Variants in COL21A1 observed in about 807,000 individuals in gnomAD.
COL21A1 encodes the protein collagen type XXI alpha 1 chain.
In COL21A1, 149 loss-of-function variants were observed where a neutral mutation model predicts 137.9. The ratio of observed to expected loss-of-function variants is 1.08; its 90% CI spans 0.95 to 1.24. The LOEUF (loss-of-function observed/expected upper bound fraction) is 1.24. Ranked by LOEUF, COL21A1 falls within the 50% of genes most tolerant of loss-of-function variation. The probability of loss-of-function intolerance (pLI) is 0.00; values close to 1 mark genes in which losing one functional copy is unlikely to be tolerated. For missense variants in COL21A1, 1,167 were observed against 1,158.4 expected, an observed-to-expected ratio of 1.01 and a Z score of -0.11; for synonymous variants, 456 against 391.5, an observed-to-expected ratio of 1.16 and a Z score of -1.95.
intron 1 of COL21A1, among the ~76,000 whole-genome samples, chr6:56,290,901 C>T (rs1347632413): frequency 3.9e-5 from 6 of 152,170 alleles, no homozygotes; most frequent in Admixed American, 3.9e-4. Flanking sequence ...TCCTATTTGC[C>T]TAAAGCTCCC....
intron 1 of COL21A1, among the ~76,000 whole-genome samples, chr6:56,277,996 C>T (rs1014611823): frequency 2.0e-5 from 3 of 152,096 alleles, no homozygotes; most frequent in Non-Finnish European, 4.4e-5. Context: ...CTTTCATTTG[C>T]TGAAGCATAA....
At chr6:56,348,383 C>T (rs1272813900) in intron 1 of COL21A1, among the ~76,000 whole-genome samples, 1 of 152,124 alleles carries the variant, frequency 6.6e-6, no homozygotes, top group African/African-American at 2.4e-5. Flanking sequence ...TTTCATTTCA[C>T]TTTCTCCATT....
chr6:56,360,183 C>T (rs901493409), intron 1 of COL21A1, among the ~76,000 whole-genome samples: 1 of 151,974 alleles, frequency 6.6e-6, no homozygotes, highest in Non-Finnish European at 1.5e-5. Flanking sequence ...GAGGGAGGGT[C>T]GTGTCACATC....
intron 9 of COL21A1, 110 bp downstream of exon 9, chr6:56,164,313 G>A: frequency 2.6e-6 from 2 of 763,322 alleles, no homozygotes; most frequent in South Asian, 1.7e-5. Flanking sequence ...AACTCTATAA[G>A]AAATCAGATA....
At chr6:56,185,098 C>A (rs1008238239) in intron 1 of COL21A1, among the ~76,000 whole-genome samples, 1 of 151,374 alleles carries the variant, frequency 6.6e-6, no homozygotes, top group African/African-American at 2.4e-5. Context: ...GAAATTTTAG[C>A]TTTAAAAGCA....
At chr6:56,238,057 A>G (rs904953251) in intron 1 of COL21A1, among the ~76,000 whole-genome samples, 1 of 152,166 alleles carries the variant, frequency 6.6e-6, no homozygotes. Context: ...TGAGGAGAAC[A>G]TAGATCTGAC....
intron 1 of COL21A1, among the ~76,000 whole-genome samples, chr6:56,331,149 G>T (rs528175936): frequency 3.3e-5 from 5 of 151,710 alleles, no homozygotes; most frequent in South Asian, 2.1e-4. Context: ...GAGTTATTTG[G>T]TTTTTTTCTT....
intron 3 of COL21A1, among the ~76,000 whole-genome samples, chr6:56,176,601 A>AAAAT (rs112281840): frequency 7.1e-6 from 1 of 140,732 alleles, no homozygotes; most frequent in Non-Finnish European, 1.5e-5. Context: ...ATTACCAAAA[A>AAAAT]AAAGAAAGAA....
rs1460198461 is a variant in COL21A1 at position 56,098,358 on chromosome 6, T to TATATAAATATATAAACAC, written c.1812+3113_1812+3114insGTGTTTATATATTTATAT. Among the ~76,000 whole-genome samples the TATATAAATATATAAACAC allele has an allele frequency of 3.2e-3, 129 of 40,358 alleles. 11 individuals carry two copies. The highest frequency in any genetic ancestry group is 0.013 in the African/African-American group (83 of 6,204). The allele number at this position is 40,358 out of a possible 152,430, so 26.5% of individuals were successfully genotyped here. ...ACACATATGTAAATATATAAATATA[T>TATATAAATATATAAACAC]ATATGAATATATATAAATATATATA... is the stretch of plus-strand genomic sequence containing the variant. On this transcript the variant is annotated intron_variant, in intron 17 of 29. Transcript: ENST00000244728.
chr6:56,378,888 ACT>A (rs1178153435), intron 1 of COL21A1, among the ~76,000 whole-genome samples: 1 of 151,920 alleles, frequency 6.6e-6, no homozygotes, highest in Non-Finnish European at 1.5e-5. Context: ...ACAGAAAGAG[ACT>A]CTGTTTGTCT....
chr6:56,096,555 C>T (rs1041383902), intron 17 of COL21A1, among the ~76,000 whole-genome samples: 1 of 152,170 alleles, frequency 6.6e-6, no homozygotes, highest in Admixed American at 6.5e-5. Flanking sequence ...CAAATACTAG[C>T]TTTCAAATTC....
intron 1 of COL21A1, among the ~76,000 whole-genome samples, chr6:56,215,110 T>G (rs1398152198): frequency 6.6e-6 from 1 of 152,046 alleles, no homozygotes; most frequent in Non-Finnish European, 1.5e-5. Flanking sequence ...CTTAAAGTAT[T>G]GTTCTTCCCT....
At position 56,057,555 on chromosome 6, in the gene COL21A1, A is replaced by C; in HGVS notation, c.*102T>G. The C allele has an allele frequency of 1.2e-4, 111 of 964,010 alleles. No homozygotes were observed. The highest frequency in any genetic ancestry group is 1.6e-4 in the Non-Finnish European group (98 of 631,712). 59.7% of individuals were successfully genotyped at this position (964,010 alleles called of 1,614,324 possible). A position where few individuals can be genotyped will look rare whatever the true frequency, so the allele number is the denominator to read the frequency against. ...AAAAAAAAAATAAAAACACCGAGGTACTTAAGTTTCTTTTCAAGGGATTAC... is the reference window on the plus strand; with the variant it reads ...AAAAAAAAAATAAAAACACCGAGGTCCTTAAGTTTCTTTTCAAGGGATTAC... On this transcript the variant is annotated 3_prime_UTR_variant, in exon 30 of 30. Coordinates refer to ENST00000244728, the MANE Select transcript of COL21A1 (RefSeq NM_030820.4).
chr6:56,252,180 T>C (rs1782869104), upstream of COL21A1, among the ~76,000 whole-genome samples: 1 of 152,244 alleles, frequency 6.6e-6, no homozygotes, highest in African/African-American at 2.4e-5. Context: ...ACCTTCACAT[T>C]TTCCTTTTGC....
In COL21A1 at chr6:56,272,096, AG is replaced by A. The variant is rs140645706; in HGVS notation, c.-38-89441del. Among the ~76,000 whole-genome samples, 1,216 of 152,294 alleles carry A rather than the reference AG, an allele frequency of 8.0e-3. 20 individuals carry two copies. Among genetic ancestry groups the A allele is most frequent in the African/African-American group, 0.028 (1,161 of 41,562 alleles). ...AACTGCCTACTGGAGCTGTGAGAAG[AG>A]GGCCACCATCTCCAGATCAGAGAAA... On this transcript the variant is annotated intron_variant, in intron 1 of 28. Coordinates refer to the COL21A1 transcript ENST00000370819.
chr6:56,309,752 G>C (rs1406643894), intron 1 of COL21A1, among the ~76,000 whole-genome samples: 1 of 152,066 alleles, frequency 6.6e-6, no homozygotes, highest in Non-Finnish European at 1.5e-5. Flanking sequence ...CTATCATAAT[G>C]GTCTTTAGAA....
In COL21A1 at chr6:56,231,645, G is replaced by A. The variant is rs1781567494; in HGVS notation, c.-39+15742C>T. On this transcript the variant is annotated intron_variant, in intron 1 of 29. Transcript: ENST00000244728. Reference sequence around the variant, plus strand: ...CAATTATGTATACTAGTAAATACATGGTTAATAATCAGCTTTCTAAGCTGC... The same window carrying A: ...CAATTATGTATACTAGTAAATACATAGTTAATAATCAGCTTTCTAAGCTGC... 2.0e-5 allele frequency among the ~76,000 whole-genome samples: 3 copies of A among 151,564 alleles called. 1 individual carries two copies. In the South Asian group the frequency reaches 6.2e-4, roughly 31 times the overall value.
Position 56,069,059 on chromosome 6 carries a change from A to G in COL21A1, c.2078T>C (p.Ile693Thr). 1 of 1,601,632 alleles carries G rather than the reference A, an allele frequency of 6.2e-7. No individual in the cohort carries two copies. The highest frequency in any genetic ancestry group is 8.5e-7 in the Non-Finnish European group (1 of 1,173,820). Reference sequence around the variant, plus strand: ...ACCAATGCATACCTTTTTTCCTTGAATCCCGGGTAAACCCATGTATCCTGG... The same window carrying G: ...ACCAATGCATACCTTTTTTCCTTGAGTCCCGGGTAAACCCATGTATCCTGG... ...GEPGYMGLPG[I>T]QGKKGDKGNQ... The change falls in exon 22 of 30, where the codon ATT becomes ACT. Residue 693 changes from isoleucine (I) to threonine (T), a missense_variant. Transcript: ENST00000244728.
At chr6:56,296,746 AACC>A (rs1334288401) in intron 1 of COL21A1, among the ~76,000 whole-genome samples, 1 of 152,030 alleles carries the variant, frequency 6.6e-6, no homozygotes, top group Non-Finnish European at 1.5e-5. Flanking sequence ...CTATAATACT[AACC>A]ACCAACATTT....
Sources: gnomAD v4.1 joint callset for allele counts (sites outside exome capture counted in the v4.1 genomes callset) on GRCh38, gnomAD v4.1.1 for gene constraint, MANE v1.5 for transcripts, NCBI Gene and HGNC (gene_info 2026-07-23, HGNC 2026-07-21) for gene names.